The following SHOC1 variants were observed in gnomAD, a reference collection of about 807,000 sequenced individuals.
SHOC1 encodes the protein protein shortage in chiasmata 1 ortholog.
Under a neutral mutation model 179.2 loss-of-function variants are expected in SHOC1, and 136 were observed. The ratio of observed to expected loss-of-function variants is 0.76; its 90% confidence interval spans 0.66 to 0.87. The LOEUF (loss-of-function observed/expected upper bound fraction) is 0.87. SHOC1 is among the 40% of genes least tolerant of loss of function. SHOC1 has a pLI of 0.00. For synonymous variants in SHOC1, 489 were observed against 586.6 expected, an observed-to-expected ratio of 0.83 and a Z score of 2.41; for missense variants, 1,538 against 1,700.8, an observed-to-expected ratio of 0.90 and a Z score of 1.68.
Position 111,790,299 on chromosome 9 carries a change from T to G in SHOC1, c.45+1075A>C, listed in dbSNP as rs1293505326. On this transcript the variant is annotated intron_variant, in intron 2 of 27. Coordinates refer to ENST00000682961, the MANE Select transcript of SHOC1 (RefSeq NM_001378211.1). ...ATGGCAAATTAACGGCAATTACTTT[T>G]GCACCACCCTAATATAATCCATCAG... Among the ~76,000 whole-genome samples, 4 of 152,336 alleles carry G rather than the reference T, an allele frequency of 2.6e-5. No homozygotes were observed. The East Asian group carries it at 7.7e-4, about 29-fold the overall frequency.
rs1365407633 is a variant in SHOC1 at position 111,736,827 on chromosome 9, T to C, written c.1417+1453A>G. Among the ~76,000 whole-genome samples, 3 of 151,882 alleles carry C rather than the reference T, an allele frequency of 2.0e-5. No homozygotes were observed. The East Asian group carries it at 5.8e-4, about 29-fold the overall frequency. ...TCACAAACTGTGCATCCAACTAAGA[T>C]CTAATATCCAGACTCTACAAGGAAT... On this transcript the variant is annotated intron_variant, in intron 12 of 27. Coordinates refer to ENST00000682961, the MANE Select transcript of SHOC1 (RefSeq NM_001378211.1).
intron 10 of SHOC1, among the ~76,000 whole-genome samples, chr9:111,743,050 CT>C (rs1341917853): frequency 6.6e-6 from 1 of 152,092 alleles, no homozygotes; most frequent in Non-Finnish European, 1.5e-5. Flanking sequence ...ACAGACTTTT[CT>C]TTTTTAGCCC....
At chr9:111,777,996 T>G (rs1015799503) in intron 4 of SHOC1, among the ~76,000 whole-genome samples, 1 of 152,222 alleles carries the variant, frequency 6.6e-6, no homozygotes, top group Non-Finnish European at 1.5e-5. Context: ...ACTTAGTGCT[T>G]ACATAGGTGC....
At position 111,775,836 on chromosome 9, in the gene SHOC1, CAG is replaced by C; in HGVS notation, c.395_396del (p.Pro132ArgfsTer20). On this transcript the variant is annotated frameshift_variant, in exon 5 of 28. Coordinates refer to ENST00000682961, the MANE Select transcript of SHOC1 (RefSeq NM_001378211.1). LOFTEE classifies it high-confidence loss of function. ...GCTGAACATTTTTCTAAACAACTGA[CAG>C]GGGTAAAGACTTCATTGTAGTCCAT... ...THMDYNEVFTPVSCLEKCSAL... is the reference protein window; with the variant it reads ...THMDYNEVFTXVSCLEKCSAL... The C allele has an allele frequency of 2.5e-6, 4 of 1,610,940 alleles. No homozygotes were observed. Among genetic ancestry groups the C allele is most frequent in the East Asian group, 2.2e-5 (1 of 44,726 alleles).
chr9:111,764,451 G>A (rs1020075920), intron 5 of SHOC1, among the ~76,000 whole-genome samples: 1 of 152,116 alleles, frequency 6.6e-6, no homozygotes, highest in South Asian at 2.1e-4. Context: ...GATAAGGGGG[G>A]ACTATTGTAC....
chr9:111,723,339 C>T (rs905969776), intron 14 of SHOC1, among the ~76,000 whole-genome samples: 1 of 152,136 alleles, frequency 6.6e-6, no homozygotes. Context: ...AATAATGAAT[C>T]TGATGTTCTT....
intron 18 of SHOC1, among the ~76,000 whole-genome samples, chr9:111,710,396 G>A (rs1172307955): frequency 1.3e-5 from 2 of 152,076 alleles, no homozygotes; most frequent in Non-Finnish European, 2.9e-5. Context: ...TTCCTGCACC[G>A]ATGAGCAGAT....
chr9:111,696,724 A>T (rs1831711125), intron 24 of SHOC1, among the ~76,000 whole-genome samples: 2 of 152,186 alleles, frequency 1.3e-5, no homozygotes, highest in South Asian at 4.1e-4. Context: ...CATATGCCCC[A>T]TGCATAGAGG....
intron 5 of SHOC1, among the ~76,000 whole-genome samples, chr9:111,765,182 T>C (rs568451763): frequency 3.6e-4 from 54 of 150,202 alleles, no homozygotes; most frequent in African/African-American, 1.3e-3. Flanking sequence ...TAATTGATGG[T>C]GTGGAAAATA....
chr9:111,791,186 G>A lies in SHOC1; in HGVS notation c.45+188C>T, dbSNP rs1564173969. Reference sequence around the variant, plus strand: ...AAATAAATTTTGTGTTTAGACTTGGGTCTTATCCCCAAGATATCTCATTTT... The same window carrying A: ...AAATAAATTTTGTGTTTAGACTTGGATCTTATCCCCAAGATATCTCATTTT... On this transcript the variant is annotated intron_variant, in intron 2 of 27. Transcript: ENST00000682961. 2.0e-5 allele frequency among the ~76,000 whole-genome samples: 3 copies of A among 151,834 alleles called. No homozygotes were observed. In the South Asian group the frequency reaches 6.2e-4, roughly 32 times the overall value.
intron 2 of SHOC1, among the ~76,000 whole-genome samples, chr9:111,790,414 C>T (rs1320044240): frequency 6.6e-6 from 1 of 152,182 alleles, no homozygotes; most frequent in East Asian, 1.9e-4. Context: ...TTTCTCCACT[C>T]ATTTCAAGAA....
Position 111,741,781 on chromosome 9 carries a change from G to C in SHOC1, c.1080-211C>G, listed in dbSNP as rs572689364. 4.6e-5 allele frequency among the ~76,000 whole-genome samples: 7 copies of C among 152,120 alleles called. No individual in the cohort carries two copies. In the South Asian group the frequency reaches 1.2e-3, roughly 27 times the overall value. On this transcript the variant is annotated intron_variant, in intron 10 of 27. Transcript: ENST00000682961. ...CGAGCAGCTGGGATTACAGGCGTCT[G>C]CCACCATGCCTGACTAATTTTTGTA...
chr9:111,723,936 A>C (rs757541885), intron 13 of SHOC1, 25 bp from the exon 14 acceptor site: 16 of 1,464,086 alleles, frequency 1.1e-5, no homozygotes, highest in Non-Finnish European at 1.3e-5. Context: ...AAAAAATATA[A>C]ATTTTTGTTG....
Position 111,693,759 on chromosome 9 carries a change from A to C in SHOC1, c.3465+40T>G, listed in dbSNP as rs755853885. 6 of 1,320,264 alleles carry C rather than the reference A, an allele frequency of 4.5e-6. No homozygotes were observed. In the South Asian group the frequency reaches 1.1e-4, roughly 23 times the overall value. 81.8% of individuals were successfully genotyped at this position (1,320,264 alleles called of 1,614,324 possible). On this transcript the variant is annotated intron_variant, in intron 26 of 27. Transcript: ENST00000682961. The stretch of plus-strand genomic sequence containing the variant: ...AAAAATAGATACTCAAATCGAAAGG[A>C]AATAAATTCATATCATAGTACAGAT...
At position 111,703,913 on chromosome 9, in the gene SHOC1, T is replaced by C. The variant is rs775211569; in HGVS notation, c.2935A>G (p.Thr979Ala). The change falls in exon 22 of 28, where the codon ACA (threonine) becomes GCA (alanine). Residue 979 changes from threonine (T) to alanine (A), a missense_variant. By Grantham distance (58) the Thr-to-Ala change is moderately conservative (BLOSUM62 0). Transcript: ENST00000682961. ...FGSSECYVVV[T>A]IDEHTAIILQ... Reference sequence around the variant, plus strand: ...ATTATGGCAGTGTGTTCATCAATTGTCACCACTACATAACACTCTGAACTT... The same window carrying C: ...ATTATGGCAGTGTGTTCATCAATTGCCACCACTACATAACACTCTGAACTT... 1 of 1,607,340 alleles carries C rather than the reference T, an allele frequency of 6.2e-7. No individual in the cohort carries two copies. Among genetic ancestry groups the C allele is most frequent in the Non-Finnish European group, 8.5e-7 (1 of 1,176,280 alleles).
chr9:111,739,658 A>G (rs1231690988), intron 11 of SHOC1, among the ~76,000 whole-genome samples: 1 of 152,164 alleles, frequency 6.6e-6, no homozygotes, highest in Admixed American at 6.5e-5. Flanking sequence ...GGTAGAAATA[A>G]TTGTAGATTC....
chr9:111,721,885 GGTA>G (rs1266400999), intron 15 of SHOC1, among the ~76,000 whole-genome samples: 3 of 152,174 alleles, frequency 2.0e-5, no homozygotes, highest in Non-Finnish European at 4.4e-5. Flanking sequence ...CTAGGGTAAT[GGTA>G]GGGCTCATTT....
intron 18 of SHOC1, among the ~76,000 whole-genome samples, chr9:111,711,646 G>A (rs939060308): frequency 6.6e-6 from 1 of 152,178 alleles, no homozygotes; most frequent in South Asian, 2.1e-4. Context: ...AATGATTAAT[G>A]AAAATTAGAA....
At position 111,776,799 on chromosome 9, in the gene SHOC1, T is replaced by C. The variant is rs763655202; in HGVS notation, c.258-824A>G. On this transcript the variant is annotated intron_variant, in intron 4 of 27. Coordinates refer to ENST00000682961, the MANE Select transcript of SHOC1 (RefSeq NM_001378211.1). ...TAGGTTGGTAACTGCCCAGGCACCT[T>C]GTTCCTTCAACCTTAGGGTGGTAAC... Among the ~76,000 whole-genome samples, 74 of 152,248 alleles carry C rather than the reference T, an allele frequency of 4.9e-4. 1 individual carries two copies. Among genetic ancestry groups the C allele is most frequent in the Admixed American group, 1.3e-4 (2 of 15,274 alleles).
Sources: allele counts gnomAD v4.1 joint callset (sites outside exome capture counted in the v4.1 genomes callset), GRCh38; gene constraint gnomAD v4.1.1; transcripts MANE v1.5; gene names NCBI Gene and HGNC (gene_info 2026-07-23, HGNC 2026-07-21).